GPR149: variants seen among roughly 807,000 people sequenced by gnomAD.
The protein encoded by GPR149 is G protein-coupled receptor 149.
Under a neutral mutation model 50.2 loss-of-function variants are expected in GPR149, and 50 were observed. The ratio of observed to expected loss-of-function variants is 1.00; its 90% CI spans 0.79 to 1.26. GPR149 has a LOEUF of 1.26. GPR149 is among the 50% of genes most tolerant of loss of function. GPR149 has a pLI of 0.00. For synonymous variants in GPR149, 405 were observed against 358.2 expected (o/e 1.13, Z -1.48); for missense variants, 983 against 895.4 (o/e 1.10, Z -1.25).
intron 3 of GPR149, among the ~76,000 whole-genome samples, chr3:154,414,888 T>C (rs951382710): frequency 6.6e-6 from 1 of 151,902 alleles, no homozygotes; most frequent in African/African-American, 2.4e-5. Context: ...TAAAAACAAG[T>C]ACGATTTATC....
Position 154,427,651 on chromosome 3 carries a change from T to A in GPR149, c.1039A>T (p.Ser347Cys), listed in dbSNP as rs1712343685. 1 of 1,614,180 alleles carries A rather than the reference T, an allele frequency of 6.2e-7. No individual in the cohort carries two copies. The highest frequency in any genetic ancestry group is 8.5e-7 in the Non-Finnish European group (1 of 1,180,008). ...GTGGCCAGCAGGGTAAGTAGAAAGCTGAATGTCTCCAAGGGAAGGCTCTGA... is the reference window on the plus strand; with the variant it reads ...GTGGCCAGCAGGGTAAGTAGAAAGCAGAATGTCTCCAAGGGAAGGCTCTGA... Reference protein sequence around the residue: ...GFQSLPLETFSFLLTLLATTV... With the variant: ...GFQSLPLETFCFLLTLLATTV... Residue 347 changes from serine (S) to cysteine (C), a missense_variant, in exon 2 of 4, where the codon AGC (serine) becomes TGC (cysteine). Ser to Cys is a moderately radical substitution (Grantham distance 112). Coordinates refer to ENST00000389740, the MANE Select transcript of GPR149 (RefSeq NM_001038705.3).
intron 3 of GPR149, among the ~76,000 whole-genome samples, chr3:154,419,613 G>C (rs929050602): frequency 3.9e-5 from 6 of 152,018 alleles, no homozygotes; most frequent in Admixed American, 1.3e-4. Context: ...ATATGAGTAA[G>C]ATTCAAGATA....
At chr3:154,392,731 A>G (rs1454470547) in intron 3 of GPR149, among the ~76,000 whole-genome samples, 3 of 151,900 alleles carry the variant, frequency 2.0e-5, no homozygotes, top group Non-Finnish European at 4.4e-5. Flanking sequence ...AAAATTAGAA[A>G]TAAAACAGGA....
chr3:154,356,867 T>A (rs1714243239), intron 3 of GPR149, among the ~76,000 whole-genome samples: 3 of 152,130 alleles, frequency 2.0e-5, no homozygotes, highest in African/African-American at 7.2e-5. Context: ...AGGGCCCGCA[T>A]CGCCAAGTCA....
At chr3:154,353,791 C>T (rs1714147002) in intron 3 of GPR149, 1 of 707,912 alleles carries the variant, frequency 1.4e-6, no homozygotes, top group African/African-American at 1.8e-5. Context: ...TGTTCCTGTC[C>T]ATGCTCGAGC....
intron 3 of GPR149, among the ~76,000 whole-genome samples, chr3:154,397,369 A>G (rs1048878111): frequency 5.3e-5 from 8 of 152,172 alleles, no homozygotes; most frequent in Non-Finnish European, 1.0e-4. Context: ...AATGCATTTT[A>G]TGCTGTATTT....
At chr3:154,403,219 G>A (rs1167057275) in intron 3 of GPR149, among the ~76,000 whole-genome samples, 4 of 152,136 alleles carry the variant, frequency 2.6e-5, no homozygotes, top group Non-Finnish European at 5.9e-5. Flanking sequence ...CCAGATCTTA[G>A]GAGCAGCATC....
At chr3:154,407,693 T>TACACACACAC (rs1175398541) in intron 3 of GPR149, among the ~76,000 whole-genome samples, 21,382 of 139,916 alleles carry the variant, frequency 0.15, 1,792 homozygotes, top group South Asian at 0.25. Flanking sequence ...GTCATGTGTA[T>TACACACACAC]ACACACACAC....
chr3:154,374,076 T>G (rs903163154), intron 3 of GPR149, among the ~76,000 whole-genome samples: 1 of 152,158 alleles, frequency 6.6e-6, no homozygotes, highest in African/African-American at 2.4e-5. Flanking sequence ...TTTAAAAAAT[T>G]TATGAGCTGT....
At chr3:154,378,086 C>G (rs1010980073) in intron 3 of GPR149, among the ~76,000 whole-genome samples, 4 of 72,486 alleles carry the variant, frequency 5.5e-5, no homozygotes, top group East Asian at 7.8e-4. Context: ...TATCCCCCCC[C>G]CCTTTTTTTT....
Position 154,338,078 on chromosome 3 carries a change from G to C in GPR149, c.1817C>G (p.Ser606Cys). The C allele has an allele frequency of 6.2e-7, 1 of 1,614,144 alleles. No individual in the cohort carries two copies. The highest frequency in any genetic ancestry group is 8.5e-7 in the Non-Finnish European group (1 of 1,180,018). Residue 606 changes from serine to cysteine, a missense_variant, in exon 4 of 4, where the codon TCT (serine) becomes TGT (cysteine). Transcript: ENST00000389740. ...ACTGGTGTCCACAAACGTGGATGAA[G>C]AATCTTCTGAGTTTGGTTCATGGCC... ...SVGHEPNSED[S>C]SSTFVDTSVK...
intron 3 of GPR149, among the ~76,000 whole-genome samples, chr3:154,355,599 GT>G (rs1414439049): frequency 1.3e-5 from 2 of 151,876 alleles, no homozygotes; most frequent in Non-Finnish European, 2.9e-5. Flanking sequence ...CTTTATTTCT[GT>G]TTTTCTAACA....
chr3:154,415,545 A>G (rs866189526), intron 3 of GPR149, among the ~76,000 whole-genome samples: 28 of 152,104 alleles, frequency 1.8e-4, no homozygotes, highest in Admixed American at 6.6e-4. Context: ...TGAAACAATT[A>G]AATTGAGGTT....
At chr3:154,398,508 C>A (rs1559984822) in intron 3 of GPR149, among the ~76,000 whole-genome samples, 1 of 152,026 alleles carries the variant, frequency 6.6e-6, no homozygotes. Flanking sequence ...ATGGTTATTT[C>A]TATTTGCATC....
intron 3 of GPR149, among the ~76,000 whole-genome samples, chr3:154,392,471 C>T (rs1405852555): frequency 1.3e-5 from 2 of 151,574 alleles, no homozygotes; most frequent in Non-Finnish European, 3.0e-5. Context: ...CAGTCAATGC[C>T]TATATTTAAA....
chr3:154,404,876 G>T (rs9815893), intron 3 of GPR149, among the ~76,000 whole-genome samples: 9 of 90,790 alleles, frequency 9.9e-5, no homozygotes, highest in Non-Finnish European at 1.3e-4. Context: ...ATCATCATCA[G>T]CAGCAGCAGC....
At chr3:154,377,602 G>A (rs574610041) in intron 3 of GPR149, among the ~76,000 whole-genome samples, 13 of 152,098 alleles carry the variant, frequency 8.5e-5, no homozygotes, top group South Asian at 4.2e-4. Context: ...CTGACCTCAC[G>A]TGATCCCTTC....
chr3:154,380,635 T>TGCC (rs1714900735), intron 3 of GPR149, among the ~76,000 whole-genome samples: 1 of 8,004 alleles, frequency 1.2e-4, no homozygotes, highest in South Asian at 8.3e-3. Flanking sequence ...TCAAATTTTG[T>TGCC]CCTTGAAATC....
At chr3:154,413,725 C>T (rs1001693349) in intron 3 of GPR149, among the ~76,000 whole-genome samples, 1 of 151,704 alleles carries the variant, frequency 6.6e-6, no homozygotes, top group Non-Finnish European at 1.5e-5. Flanking sequence ...ACTAGTACAA[C>T]CACTATAGAA....
Sources: gnomAD v4.1 joint callset for allele counts (sites outside exome capture counted in the v4.1 genomes callset) on GRCh38, gnomAD v4.1.1 for gene constraint, MANE v1.5 for transcripts, NCBI Gene and HGNC (gene_info 2026-07-23, HGNC 2026-07-21) for gene names.